The following KIAA0825 variants were observed in gnomAD, a reference collection of about 807,000 sequenced individuals.
KIAA0825 encodes the protein KIAA0825.
KIAA0825 carries 119 observed loss-of-function variants against 147.6 expected under a neutral mutation model. That is an observed-to-expected ratio of 0.81 (90% CI 0.69 to 0.94). The LOEUF is 0.94. Ranked by LOEUF, KIAA0825 falls within the 40% of genes least tolerant of loss-of-function variation. The pLI, the probability that KIAA0825 is intolerant of heterozygous loss-of-function variation, is 0.00. For missense variants in KIAA0825, 1,381 were observed against 1,472.7 expected (o/e 0.94, Z 1.02); for synonymous variants, 470 against 518.1 (o/e 0.91, Z 1.26).
intron 1 of KIAA0825, among the ~76,000 whole-genome samples, chr5:94,612,145 A>C (rs142745923): frequency 6.6e-6 from 1 of 152,168 alleles, no homozygotes; most frequent in Non-Finnish European, 1.5e-5. Flanking sequence ...ATAAAATATA[A>C]GAAGATAGTG....
chr5:94,519,379 T>G, intron 5 of KIAA0825: 1 of 895,552 alleles, frequency 1.1e-6, no homozygotes, highest in Non-Finnish European at 1.3e-6. Flanking sequence ...ACACCTCAGA[T>G]TTTATATAAA....
intron 19 of KIAA0825, among the ~76,000 whole-genome samples, chr5:94,385,852 T>C (rs138164687): frequency 6.6e-6 from 1 of 152,316 alleles, no homozygotes; most frequent in African/African-American, 2.4e-5. Flanking sequence ...AACTATTTTC[T>C]AATTTGCCTG....
chr5:94,313,617 C>CTTTTTTTTTTTTTTTT (rs55688689), intron 20 of KIAA0825, among the ~76,000 whole-genome samples: 1 of 141,972 alleles, frequency 7.0e-6, no homozygotes, highest in Non-Finnish European at 1.6e-5. Context: ...AGGGAGGTTT[C>CTTTTTTTTTTTTTTTT]TTTTTTTTTT....
At chr5:94,244,965 G>T (rs933525891) in intron 20 of KIAA0825, among the ~76,000 whole-genome samples, 4 of 152,070 alleles carry the variant, frequency 2.6e-5, no homozygotes, top group Non-Finnish European at 4.4e-5. Context: ...CTTAGTATTT[G>T]TAAACACAAC....
At chr5:94,356,742 T>TTTTTTTTTTTA (rs1386151871) in intron 20 of KIAA0825, among the ~76,000 whole-genome samples, 1 of 146,374 alleles carries the variant, frequency 6.8e-6, no homozygotes, top group Non-Finnish European at 1.5e-5. Flanking sequence ...TTTTTTTTTT[T>TTTTTTTTTTTA]GAGACGGAGT....
At chr5:94,320,364 G>A (rs1336826778) in intron 20 of KIAA0825, among the ~76,000 whole-genome samples, 2 of 151,836 alleles carry the variant, frequency 1.3e-5, no homozygotes, top group East Asian at 3.9e-4. Context: ...TAGCTATTTT[G>A]AAACATATGA....
At chr5:94,421,346 T>C (rs1488133930) in intron 14 of KIAA0825, among the ~76,000 whole-genome samples, 2 of 152,266 alleles carry the variant, frequency 1.3e-5, no homozygotes, top group Non-Finnish European at 2.9e-5. Context: ...CACTGCTTTT[T>C]ACCTGGCTTA....
intron 16 of KIAA0825, among the ~76,000 whole-genome samples, chr5:94,399,959 G>A (rs1280066794): frequency 6.6e-6 from 1 of 151,982 alleles, no homozygotes; most frequent in Non-Finnish European, 1.5e-5. Flanking sequence ...TTTTAAATCT[G>A]AGCTTAACAC....
At chr5:94,394,267 A>C (rs1002496591) in intron 17 of KIAA0825, among the ~76,000 whole-genome samples, 1 of 152,192 alleles carries the variant, frequency 6.6e-6, no homozygotes, top group Non-Finnish European at 1.5e-5. Flanking sequence ...CTATGCCAAA[A>C]ATAACTTTAA....
chr5:94,427,603 G>C (rs1562486717), intron 14 of KIAA0825, among the ~76,000 whole-genome samples: 1 of 152,158 alleles, frequency 6.6e-6, no homozygotes, highest in Non-Finnish European at 1.5e-5. Flanking sequence ...CTTTTTATAA[G>C]ATTTGTACTT....
intron 14 of KIAA0825, among the ~76,000 whole-genome samples, chr5:94,421,254 A>G (rs900482865): frequency 6.6e-6 from 1 of 152,214 alleles, no homozygotes; most frequent in Non-Finnish European, 1.5e-5. Context: ...CTAAAACTGT[A>G]TTTACAAAAA....
At chr5:94,155,219 T>C (rs1028093909) in intron 20 of KIAA0825, among the ~76,000 whole-genome samples, 164 of 120,792 alleles carry the variant, frequency 1.4e-3, no homozygotes, top group Middle Eastern at 5.1e-3. Context: ...CTTTCTTTTT[T>C]TTTTTTTTTT....
At chr5:94,297,838 C>T (rs930452052) in intron 20 of KIAA0825, among the ~76,000 whole-genome samples, 22 of 150,596 alleles carry the variant, frequency 1.5e-4, no homozygotes, top group South Asian at 4.3e-4. Context: ...TCAAGTGATC[C>T]GCCCACCTCG....
chr5:94,175,539 G>C (rs1296308824), intron 20 of KIAA0825, among the ~76,000 whole-genome samples: 2 of 152,096 alleles, frequency 1.3e-5, no homozygotes, highest in African/African-American at 2.4e-5. Flanking sequence ...TTGGAAGAAG[G>C]CCTTATGACT....
In KIAA0825 at chr5:94,471,795, C is replaced by G; in HGVS notation, c.1456-64G>C. On this transcript the variant is annotated intron_variant, in intron 8 of 20. Coordinates refer to ENST00000682413, the MANE Select transcript of KIAA0825 (RefSeq NM_001145678.3). ...CTGACAGCACCAAGTAATTTATGGA[C>G]AGTGGAGCCAAATTCCTAAATAATG... The G allele has an allele frequency of 2.1e-6, 3 of 1,416,352 alleles. No individual in the cohort carries two copies. The South Asian group carries it at 4.1e-5, about 19-fold the overall frequency. 87.7% of individuals were successfully genotyped at this position (1,416,352 alleles called of 1,614,324 possible). A position where few individuals can be genotyped will look rare whatever the true frequency, so the allele number is the denominator to read the frequency against.
intron 14 of KIAA0825, among the ~76,000 whole-genome samples, chr5:94,419,334 C>T (rs1439987987): frequency 1.3e-5 from 2 of 152,152 alleles, no homozygotes; most frequent in African/African-American, 4.8e-5. Flanking sequence ...CTGCAGTTCC[C>T]TCTTCTTTCT....
Position 94,386,276 on chromosome 5 carries a change from A to G in KIAA0825, c.3585T>C (p.Tyr1195=). 1 of 1,551,330 alleles carries G rather than the reference A, an allele frequency of 6.4e-7. No homozygotes were observed. Among genetic ancestry groups the G allele is most frequent in the South Asian group, 1.2e-5 (1 of 84,040 alleles). The change falls in exon 19 of 21, where the codon TAT becomes TAC. Residue 1195 remains tyrosine (Y), a synonymous_variant. Transcript: ENST00000682413. ...QPSAFNPFHV[Y]KAFSENMLDQ... ...CTAGCATGTTTTCACTAAACGCCTT[A>G]TACACATGGAAAGGGTTAAAGGCAG...
rs142363710 is a variant in KIAA0825 at position 94,286,458 on chromosome 5, C to T, written c.3710+97910G>A. 1.1e-4 allele frequency among the ~76,000 whole-genome samples: 16 copies of T among 152,296 alleles called. No homozygotes were observed. The East Asian group carries it at 1.5e-3, about 15-fold the overall frequency. ...CGTTAGACTGTAGGTTCTCTGACAA[C>T]AGGGACCTGTCCTACTTATCTCTAT... On this transcript the variant is annotated intron_variant, in intron 20 of 20. Transcript: ENST00000682413.
chr5:94,551,812 C>A (rs1561302979), intron 2 of KIAA0825, among the ~76,000 whole-genome samples: 1 of 151,816 alleles, frequency 6.6e-6, no homozygotes, highest in Non-Finnish European at 1.5e-5. Flanking sequence ...AGGAATCAAA[C>A]TTTAACACTA....
Sources: allele counts gnomAD v4.1 joint callset (sites outside exome capture counted in the v4.1 genomes callset), GRCh38; gene constraint gnomAD v4.1.1; transcripts MANE v1.5; gene names NCBI Gene and HGNC (gene_info 2026-07-23, HGNC 2026-07-21).